ADCYAP1R1: variants seen among roughly 807,000 people sequenced by gnomAD.
The protein encoded by ADCYAP1R1 is ADCYAP receptor type I.
ADCYAP1R1 carries 44 observed loss-of-function variants against 67.6 expected under a neutral mutation model. That is an observed-to-expected ratio of 0.65 (90% confidence interval 0.51 to 0.84). The LOEUF (loss-of-function observed/expected upper bound fraction) is 0.84. Ranked by LOEUF, ADCYAP1R1 falls within the 40% of genes least tolerant of loss-of-function variation. The pLI is 0.00. For missense variants in ADCYAP1R1, 477 were observed against 587.9 expected (o/e 0.81, Z 1.95); for synonymous variants, 222 against 219.6 (o/e 1.01, Z -0.10).
intron 1 of ADCYAP1R1, among the ~76,000 whole-genome samples, chr7:31,055,492 T>G (rs1229165155): frequency 6.6e-6 from 1 of 152,220 alleles, no homozygotes. Context: ...CAGCCTTAGA[T>G]GATATGTAAA....
Position 31,092,708 on chromosome 7 carries a change from T to C in ADCYAP1R1, c.1019T>C (p.Met340Thr). The change falls in exon 13 of 16, where the codon ATG becomes ACG. Residue 340 changes from methionine to threonine, a missense_variant. Coordinates refer to ENST00000304166, the MANE Select transcript of ADCYAP1R1 (RefSeq NM_001118.5). ...ILVQKLQSPD[M>T]GGNESSIYLR... Reference sequence around the variant, plus strand: ...GTGCAGAAACTTCAGTCTCCAGACATGGGAGGCAATGAGTCCAGCATCTAC... The same window carrying C: ...GTGCAGAAACTTCAGTCTCCAGACACGGGAGGCAATGAGTCCAGCATCTAC... 6 of 1,612,956 alleles carry C rather than the reference T, an allele frequency of 3.7e-6. No individual in the cohort carries two copies. Among genetic ancestry groups the C allele is most frequent in the South Asian group, 1.1e-5 (1 of 91,042 alleles).
chr7:31,099,516 A>G lies in ADCYAP1R1; in HGVS notation c.1047-3721A>G, dbSNP rs114255023. On this transcript the variant is annotated intron_variant, in intron 13 of 15. Transcript: ENST00000304166. ...TCTGGATGAATTAACAATTCATTCA[A>G]TCTGACTTACCTCTGTCCCCTATGT... Among the ~76,000 whole-genome samples, 957 of 152,324 alleles carry G rather than the reference A, an allele frequency of 6.3e-3. 12 individuals carry two copies. Among genetic ancestry groups the G allele is most frequent in the Middle Eastern group, 0.031 (9 of 294 alleles).
chr7:31,104,853 T>A lies in ADCYAP1R1; in HGVS notation c.1177-15T>A. The A allele has an allele frequency of 6.2e-7, 1 of 1,614,122 alleles. No homozygotes were observed. Among genetic ancestry groups the A allele is most frequent in the South Asian group, 1.1e-5 (1 of 91,076 alleles). ...CCTTTGCTAGCATCCTCAGGCTTAT[T>A]TTCTCTATTCCCAGGGCTTTGTGGT... On this transcript the variant is annotated splice_polypyrimidine_tract_variant and intron_variant, in intron 14 of 15. Coordinates refer to ENST00000304166, the MANE Select transcript of ADCYAP1R1 (RefSeq NM_001118.5).
At position 31,109,567 on chromosome 7, in the gene ADCYAP1R1, CCT is replaced by C. The variant is rs908638407; in HGVS notation, c.*2884_*2885del. On this transcript the variant is annotated 3_prime_UTR_variant, in exon 16 of 16. Coordinates refer to ENST00000304166, the MANE Select transcript of ADCYAP1R1 (RefSeq NM_001118.5). ...AGAAGCAGGCTTGTCAGACTCCACC[CCT>C]GTTGATGATCATTCCTGGGAAGGGG... 1.3e-5 allele frequency: 2 copies of C among 152,152 alleles called. No individual in the cohort carries two copies. The highest frequency in any genetic ancestry group is 4.8e-5 in the African/African-American group (2 of 41,424). 9.4% of individuals were successfully genotyped at this position (152,152 alleles called of 1,614,324 possible).
At chr7:31,104,675 C>A (rs906129216) in intron 14 of ADCYAP1R1, among the ~76,000 whole-genome samples, 193 bp from the exon 15 acceptor site, 1 of 152,186 alleles carries the variant, frequency 6.6e-6, no homozygotes, top group Non-Finnish European at 1.5e-5. Flanking sequence ...ACTTGACCAC[C>A]AGCCACGTGG....
intron 3 of ADCYAP1R1, among the ~76,000 whole-genome samples, 168 bp from the exon 4 acceptor site, chr7:31,077,823 T>A (rs1454322693): frequency 7.1e-6 from 1 of 141,834 alleles, no homozygotes; most frequent in African/African-American, 2.9e-5. Context: ...GTGTGTGTGA[T>A]GTGTGTTTGT....
rs1796487013 is a variant in ADCYAP1R1 at position 31,102,700 on chromosome 7, C to T, written c.1047-537C>T. 6.6e-6 allele frequency among the ~76,000 whole-genome samples: 1 copy of T among 152,158 alleles called. No homozygotes were observed. The stretch of plus-strand genomic sequence containing the variant: ...CCTAGAATCCCTCCCGAGTTTCTTC[C>T]TCTGTGATCCACTCACTGAGCCTTT... On this transcript the variant is annotated intron_variant, in intron 13 of 15. Transcript: ENST00000304166. This position sits in a 1 kb window ranked among gnomAD's most constrained non-coding sequence, Gnocchi z 4.3.
At chr7:31,081,143 G>C (rs1795496290) in intron 5 of ADCYAP1R1, among the ~76,000 whole-genome samples, 1 of 152,166 alleles carries the variant, frequency 6.6e-6, no homozygotes, top group African/African-American at 2.4e-5. Context: ...GGAGTTTTGA[G>C]AAGCGGGGAT....
At chr7:31,081,842 G>A in intron 6 of ADCYAP1R1, 88 bp downstream of exon 6, 2 of 1,100,792 alleles carry the variant, frequency 1.8e-6, no homozygotes, top group Non-Finnish European at 2.6e-6. Flanking sequence ...ATCCCAGGCT[G>A]GGCTCTGCTC....
At chr7:31,087,025 A>G in intron 11 of ADCYAP1R1, 22 bp downstream of exon 11, 1 of 1,613,822 alleles carries the variant, frequency 6.2e-7, no homozygotes. Context: ...CGCGAGAGTC[A>G]GGGCCACAGC....
rs1796652196 is a variant in ADCYAP1R1 at position 31,106,485 on chromosome 7, G to GCTC, written c.1219-9_1219-7dup. The GCTC allele has an allele frequency of 1.3e-6, 2 of 1,595,340 alleles. No homozygotes were observed. Among genetic ancestry groups the GCTC allele is most frequent in the Non-Finnish European group, 1.7e-6 (2 of 1,170,242 alleles). ...CCATCTGGAAGTGACCGCCCAGTTTGCTCCCTGCAGGTACAAGCGGAGATC... is the reference window on the plus strand; with the variant it reads ...CCATCTGGAAGTGACCGCCCAGTTTGCTCCTCCCTGCAGGTACAAGCGGAGATC... On this transcript the variant is annotated splice_polypyrimidine_tract_variant and intron_variant, in intron 15 of 15. Transcript: ENST00000304166.
chr7:31,060,033 G>A (rs527441944), intron 1 of ADCYAP1R1, among the ~76,000 whole-genome samples: 1 of 152,030 alleles, frequency 6.6e-6, no homozygotes, highest in South Asian at 2.1e-4. Flanking sequence ...GAGTGCCCCA[G>A]CTCCCTTACC....
chr7:31,055,660 G>C (rs1392812466), intron 1 of ADCYAP1R1, among the ~76,000 whole-genome samples: 1 of 152,174 alleles, frequency 6.6e-6, no homozygotes, highest in East Asian at 1.9e-4. Context: ...TACAAAAATA[G>C]GCTACAGGCT....
rs1451068278 is a variant in ADCYAP1R1, at chr7:31,110,154, T to TC, written c.*3470_*3471insC. 7.9e-5 allele frequency: 12 copies of TC among 151,404 alleles called. No individual in the cohort carries two copies. The highest frequency in any genetic ancestry group is 2.2e-4 in the African/African-American group (9 of 41,026). 9.4% of individuals were successfully genotyped at this position (151,404 alleles called of 1,614,324 possible). A position where few individuals can be genotyped will look rare whatever the true frequency, so the allele number is the denominator to read the frequency against. ...TCTCTCTCTCTCTTTTTTTTTTTTT[T>TC]TGAGTAGTACCCTTGCCCTCTTCAT... On this transcript the variant is annotated 3_prime_UTR_variant, in exon 16 of 16. Transcript: ENST00000304166.
chr7:31,093,722 G>A lies in ADCYAP1R1; in HGVS notation c.1046+987G>A, dbSNP rs533238828. ...CCTTCAGAAGAAAGCAGATGAGGAG[G>A]AGCTGAGGTATCTTCACTGGGTGCC... On this transcript the variant is annotated intron_variant, in intron 13 of 15. Coordinates refer to ENST00000304166, the MANE Select transcript of ADCYAP1R1 (RefSeq NM_001118.5). Among the ~76,000 whole-genome samples the A allele has an allele frequency of 6.8e-4, 104 of 152,214 alleles. No individual in the cohort carries two copies. The South Asian group carries it at 0.015, about 22-fold the overall frequency.
intron 13 of ADCYAP1R1, among the ~76,000 whole-genome samples, chr7:31,101,211 T>C (rs936727335): frequency 6.6e-6 from 1 of 152,190 alleles, no homozygotes; most frequent in South Asian, 2.1e-4. Flanking sequence ...GCCCTTGGAC[T>C]GTGCTGTGGG....
rs891802192 is a variant in ADCYAP1R1 at position 31,092,570 on chromosome 7, G to A, written c.955-74G>A. 2.8e-5 allele frequency: 32 copies of A among 1,150,876 alleles called. 1 individual carries two copies. The South Asian group carries it at 3.7e-4, about 13-fold the overall frequency. The allele number at this position is 1,150,876 out of a possible 1,614,324, so 71.3% of individuals were successfully genotyped here. A position where few individuals can be genotyped will look rare whatever the true frequency, so the allele number is the denominator to read the frequency against. ...GATGGGATCTTGACTAGGTGGGGGA[G>A]GGTCCTGCTGGGGAAATAATAGCAT... is the stretch of plus-strand genomic sequence containing the variant. On this transcript the variant is annotated intron_variant, in intron 12 of 15. Coordinates refer to ENST00000304166, the MANE Select transcript of ADCYAP1R1 (RefSeq NM_001118.5).
At chr7:31,105,219 C>T (rs1796592702) in intron 15 of ADCYAP1R1, among the ~76,000 whole-genome samples, 2 of 152,252 alleles carry the variant, frequency 1.3e-5, no homozygotes, top group Admixed American at 1.3e-4. Flanking sequence ...AGGGTCCTCT[C>T]CATAAGACAC....
At chr7:31,076,875 G>T (rs1186833704) in intron 3 of ADCYAP1R1, among the ~76,000 whole-genome samples, 1 of 152,126 alleles carries the variant, frequency 6.6e-6, no homozygotes, top group African/African-American at 2.4e-5. Flanking sequence ...AGGGGCTAGG[G>T]TGGGCATGTG....
Sources: allele counts gnomAD v4.1 joint callset (sites outside exome capture counted in the v4.1 genomes callset), GRCh38; gene constraint gnomAD v4.1.1; non-coding constraint Gnocchi (gnomAD v3.1); transcripts MANE v1.5; gene names NCBI Gene and HGNC (gene_info 2026-07-23, HGNC 2026-07-21).